The following MPHOSPH10 variants were observed in gnomAD, a reference collection of about 807,000 sequenced individuals.
MPHOSPH10 encodes M-phase phosphoprotein 10.
In MPHOSPH10, 33 loss-of-function variants were observed where a neutral mutation model predicts 77.3. That is an observed-to-expected ratio of 0.43 (90% CI 0.32 to 0.57). The LOEUF (loss-of-function observed/expected upper bound fraction) is 0.57, where lower values mean the gene tolerates loss of function less well. Among genes scored for constraint, MPHOSPH10 ranks in the 20% least tolerant of loss-of-function variants. The pLI, the probability that MPHOSPH10 is intolerant of heterozygous loss-of-function variation, is 0.07. For synonymous variants in MPHOSPH10, 245 were observed against 268.0 expected (o/e 0.91, Z 0.84); for missense variants, 708 against 780.1 (o/e 0.91, Z 1.10).
At chr2:71,135,748 G>T (rs1673477342) in intron 4 of MPHOSPH10, among the ~76,000 whole-genome samples, 2 of 147,296 alleles carry the variant, frequency 1.4e-5, no homozygotes, top group South Asian at 4.3e-4. Context: ...TGTCACCCAG[G>T]CTGGAGTGCA....
intron 7 of MPHOSPH10, 89 bp from the exon 8 acceptor site, chr2:71,144,339 G>T (rs1673668490): frequency 4.1e-6 from 4 of 972,068 alleles, no homozygotes; most frequent in African/African-American, 1.6e-5. Flanking sequence ...GTGATGAGAA[G>T]TTAGAAATAC....
rs201478815 is a variant in MPHOSPH10, at chr2:71,149,360, G to C, written c.1803G>C (p.Lys601Asn). 6.2e-7 allele frequency: 1 copy of C among 1,614,144 alleles called. No individual in the cohort carries two copies. Residue 601 changes from lysine (K) to asparagine (N), a missense_variant, in exon 10 of 11, where the codon AAG becomes AAC. Lys to Asn is a moderately conservative substitution (Grantham distance 94). This residue lies in a region of MPHOSPH10 where 263 missense variants were observed against 320.0 expected (regional missense o/e 0.82). Transcript: ENST00000244230. ...EKEKRRKLLE[K>N]SSVDQAGKYS... ...AGAAGCGGAGAAAACTGCTTGAAAA[G>C]AGCAGTGTAGATCAAGCAGGGAAAT... is the stretch of plus-strand genomic sequence containing the variant.
rs757750658 is a variant in MPHOSPH10 at position 71,147,956 on chromosome 2, A to G, written c.1558-43A>G. 4.1e-6 allele frequency: 6 copies of G among 1,457,672 alleles called. No homozygotes were observed. In the Admixed American group the frequency reaches 1.0e-4, roughly 24 times the overall value. The allele number at this position is 1,457,672 out of a possible 1,614,324, so 90.3% of individuals were successfully genotyped here. ...TCACAGTTCACACATTTTGTGTTAG[A>G]GTCCCTTCTGGCTTCCCATTGAATG... On this transcript the variant is annotated intron_variant, in intron 8 of 10. Transcript: ENST00000244230.
Position 71,141,342 on chromosome 2 carries a change from T to C in MPHOSPH10, c.1419T>C (p.Tyr473=). The C allele has an allele frequency of 6.4e-7, 1 of 1,562,476 alleles. No homozygotes were observed. The highest frequency in any genetic ancestry group is 8.7e-7 in the Non-Finnish European group (1 of 1,155,924). Residue 473 remains tyrosine (Y), a synonymous_variant, in exon 7 of 11, where the codon TAT becomes TAC. Transcript: ENST00000244230. ...GTAAATTGAGCCTTGCTGAAATTTA[T>C]GAACAGGAGTACATCAAACTCAACC... is the stretch of plus-strand genomic sequence containing the variant. The part of the protein sequence containing the change: ...EKSKLSLAEI[Y]EQEYIKLNQQ...
rs60456435 is a variant in MPHOSPH10, at chr2:71,136,848, C to CTTTTTTTT, written c.1099-1632_1099-1625dup. On this transcript the variant is annotated intron_variant, in intron 4 of 10. Transcript: ENST00000244230. The stretch of plus-strand genomic sequence containing the variant: ...TAAAGAATAAAGTAGAACTTTCAAC[C>CTTTTTTTT]TTTTTTTTTTTTTTTTTGAAACTGT... Among the ~76,000 whole-genome samples, 2 of 118,644 alleles carry CTTTTTTTT rather than the reference C, an allele frequency of 1.7e-5. 1 individual carries two copies. The highest frequency in any genetic ancestry group is 6.5e-5 in the African/African-American group (2 of 30,850). 77.8% of individuals were successfully genotyped at this position (118,644 alleles called of 152,430 possible).
intron 1 of MPHOSPH10, among the ~76,000 whole-genome samples, chr2:71,132,081 A>G (rs1184765378): frequency 6.6e-6 from 1 of 152,136 alleles, no homozygotes. Context: ...TCTATTCTAT[A>G]TCTAATTCTT....
intron 4 of MPHOSPH10, among the ~76,000 whole-genome samples, chr2:71,135,443 A>T (rs1416303812): frequency 6.7e-6 from 1 of 150,050 alleles, no homozygotes; most frequent in African/African-American, 2.5e-5. Context: ...GCTAATCGGG[A>T]GGCTGAGGCA....
intron 8 of MPHOSPH10, among the ~76,000 whole-genome samples, chr2:71,146,460 C>T (rs1436914541): frequency 1.3e-5 from 2 of 151,694 alleles, no homozygotes; most frequent in South Asian, 2.1e-4. Context: ...CTCGGCCTCC[C>T]GAGTAGCTGG....
Position 71,144,507 on chromosome 2 carries a change from C to T in MPHOSPH10, c.1526C>T (p.Ala509Val). ...MMDSLFLKLD[A>V]LSNFHFIPKP... Reference sequence around the variant, plus strand: ...GATTCCCTCTTCTTAAAATTGGATGCCCTCTCAAACTTCCACTTTATCCCT... The same window carrying T: ...GATTCCCTCTTCTTAAAATTGGATGTCCTCTCAAACTTCCACTTTATCCCT... Residue 509 changes from alanine to valine, a missense_variant, in exon 8 of 11, where the codon GCC (alanine) becomes GTC (valine). Transcript: ENST00000244230. The T allele has an allele frequency of 6.2e-7, 1 of 1,613,876 alleles. No individual in the cohort carries two copies. Among genetic ancestry groups the T allele is most frequent in the Middle Eastern group, 1.6e-4 (1 of 6,062 alleles).
intron 8 of MPHOSPH10, 34 bp downstream of exon 8, chr2:71,144,572 G>C: frequency 6.7e-7 from 1 of 1,484,236 alleles, no homozygotes; most frequent in Non-Finnish European, 9.4e-7. Context: ...TGTAGCTAGA[G>C]CAGGGTGACC....
chr2:71,149,533 C>A, intron 10 of MPHOSPH10, 80 bp downstream of exon 10: 2 of 1,313,028 alleles, frequency 1.5e-6, no homozygotes, highest in Non-Finnish European at 2.1e-6. Flanking sequence ...ACTGGAATGT[C>A]TGAGCCAGCT....
Position 71,141,367 on chromosome 2 carries a change from C to G in MPHOSPH10, c.1444C>G (p.Gln482Glu). The G allele has an allele frequency of 6.5e-7, 1 of 1,526,944 alleles. No homozygotes were observed. The highest frequency in any genetic ancestry group is 8.8e-7 in the Non-Finnish European group (1 of 1,138,956). The allele number at this position is 1,526,944 out of a possible 1,614,324, so 94.6% of individuals were successfully genotyped here. Residue 482 changes from glutamine to glutamate, a missense_variant and splice_region_variant, in exon 7 of 11, where the codon CAG becomes GAG. By Grantham distance (29) the Gln-to-Glu change is conservative (BLOSUM62 2). This residue lies in a region of MPHOSPH10 where 263 missense variants were observed against 320.0 expected (regional missense o/e 0.82). Coordinates refer to ENST00000244230, the MANE Select transcript of MPHOSPH10 (RefSeq NM_005791.3). ...TGAACAGGAGTACATCAAACTCAAC[C>G]AGGTGAGGAAGCCTGTAAGGCCAAG... ...IYEQEYIKLN[Q>E]QKTAEEENPE...
In MPHOSPH10 at chr2:71,138,414, A is replaced by G. The variant is rs1011957133; in HGVS notation, c.1099-76A>G. 4.2e-6 allele frequency: 5 copies of G among 1,177,634 alleles called. No homozygotes were observed. The African/African-American group carries it at 7.8e-5, about 18-fold the overall frequency. The allele number at this position is 1,177,634 out of a possible 1,614,324, so 72.9% of individuals were successfully genotyped here. On this transcript the variant is annotated intron_variant, in intron 4 of 10. Transcript: ENST00000244230. ...TACGTTTCTTGCTTTCCCACTTTTT[A>G]AATTATTTTTTGCTTTTACACAAAT...
rs775466067 is a variant in MPHOSPH10 at position 71,150,059 on chromosome 2, T to C, written c.*44T>C. The C allele has an allele frequency of 1.3e-5, 13 of 1,018,266 alleles. No homozygotes were observed. The highest frequency in any genetic ancestry group is 1.7e-5 in the African/African-American group (1 of 59,640). 63.1% of individuals were successfully genotyped at this position (1,018,266 alleles called of 1,614,324 possible). On this transcript the variant is annotated 3_prime_UTR_variant, in exon 11 of 11. Coordinates refer to ENST00000244230, the MANE Select transcript of MPHOSPH10 (RefSeq NM_005791.3). ...TAAATATTAATGTGTAAGCTTATATTGTGTCATTGTTCTGTTTTATAATAA... is the reference window on the plus strand; with the variant it reads ...TAAATATTAATGTGTAAGCTTATATCGTGTCATTGTTCTGTTTTATAATAA...
rs1011755731 is a variant in MPHOSPH10, at chr2:71,150,041, T to G, written c.*26T>G. ...TATATTTTGAATATAATGTAAATAT[T>G]AATGTGTAAGCTTATATTGTGTCAT... On this transcript the variant is annotated 3_prime_UTR_variant, in exon 11 of 11. Coordinates refer to ENST00000244230, the MANE Select transcript of MPHOSPH10 (RefSeq NM_005791.3). The G allele has an allele frequency of 1.8e-6, 2 of 1,134,948 alleles. No individual in the cohort carries two copies. The highest frequency in any genetic ancestry group is 3.6e-5 in the South Asian group (2 of 55,408). 70.3% of individuals were successfully genotyped at this position (1,134,948 alleles called of 1,614,324 possible). A position where few individuals can be genotyped will look rare whatever the true frequency, so the allele number is the denominator to read the frequency against.
At chr2:71,141,075 A>C (rs916464783) in intron 6 of MPHOSPH10, among the ~76,000 whole-genome samples, 157 bp from the exon 7 acceptor site, 2 of 149,834 alleles carry the variant, frequency 1.3e-5, no homozygotes, top group Admixed American at 1.3e-4. Context: ...ATAAATATTT[A>C]TTATAACAAT....
chr2:71,139,467 C>G (rs545788543), intron 5 of MPHOSPH10: 3 of 175,432 alleles, frequency 1.7e-5, no homozygotes, highest in African/African-American at 7.1e-5. Context: ...CCCATTACAT[C>G]AAAATGAGTT....
In MPHOSPH10 at chr2:71,149,382, A is replaced by G. The variant is rs1323907995; in HGVS notation, c.1825A>G (p.Lys609Glu). 1 of 1,582,442 alleles carries G rather than the reference A, an allele frequency of 6.3e-7. No homozygotes were observed. The highest frequency in any genetic ancestry group is 8.6e-7 in the Non-Finnish European group (1 of 1,166,340). Residue 609 changes from lysine (K) to glutamate (E), a missense_variant, in exon 10 of 11, where the codon AAA becomes GAA. Transcript: ENST00000244230. ...AAAGAGCAGTGTAGATCAAGCAGGGAAATACAGCAAAACAGTAGCTTCGGA... is the reference window on the plus strand; with the variant it reads ...AAAGAGCAGTGTAGATCAAGCAGGGGAATACAGCAAAACAGTAGCTTCGGA... The part of the protein sequence containing the change: ...LEKSSVDQAG[K>E]YSKTVASEKL...
chr2:71,138,275 G>A (rs932066368), intron 4 of MPHOSPH10, among the ~76,000 whole-genome samples: 1 of 152,056 alleles, frequency 6.6e-6, no homozygotes, highest in African/African-American at 2.4e-5. Flanking sequence ...TATAAACATG[G>A]CATTTTAAAT....
Sources: allele counts gnomAD v4.1 joint callset (sites outside exome capture counted in the v4.1 genomes callset), GRCh38; gene constraint gnomAD v4.1.1; regional missense constraint gnomAD v4.1.1; transcripts MANE v1.5; gene names NCBI Gene and HGNC (gene_info 2026-07-23, HGNC 2026-07-21).